The following KRT80 variants were observed in gnomAD, a reference collection of about 807,000 sequenced individuals.
KRT80 encodes keratin, type II cytoskeletal 80.
In KRT80, 36 loss-of-function variants were observed where a neutral mutation model predicts 51.5. The observed-to-expected ratio is 0.70, with a 90% confidence interval of 0.54 to 0.92. KRT80 has a LOEUF of 0.92. KRT80 is among the 40% of genes least tolerant of loss of function. The pLI, the probability that KRT80 is intolerant of heterozygous loss-of-function variation, is 0.00. For missense variants in KRT80, 566 were observed against 591.7 expected (o/e 0.96, Z 0.45); for synonymous variants, 235 against 248.3 (o/e 0.95, Z 0.50).
At chr12:52,179,090 G>A (rs1331056073) in intron 4 of KRT80, among the ~76,000 whole-genome samples, 1 of 152,240 alleles carries the variant, frequency 6.6e-6, no homozygotes, top group Non-Finnish European at 1.5e-5. Context: ...TGAGACATCA[G>A]TGAGCAGGTA....
At position 52,185,540 on chromosome 12, in the gene KRT80, G is replaced by GCTCCAGCGTGT; in HGVS notation, c.337_347dup (p.Ser116ArgfsTer35). On this transcript the variant is annotated frameshift_variant, in exon 2 of 9. Coordinates refer to ENST00000394815, the MANE Select transcript of KRT80 (RefSeq NM_182507.3). LOFTEE classifies it high-confidence loss of function. ...TGGCTGAGTCCTGGCCCTGCAGGAA[G>GCTCCAGCGTGT]CTCCAGCGTGTCTCCAGCAGCTGGT... is the stretch of plus-strand genomic sequence containing the variant. The GCTCCAGCGTGT allele has an allele frequency of 6.2e-7, 1 of 1,612,662 alleles. No homozygotes were observed. The highest frequency in any genetic ancestry group is 8.5e-7 in the Non-Finnish European group (1 of 1,180,020).
chr12:52,189,877 C>A (rs564630023), intron 1 of KRT80, among the ~76,000 whole-genome samples: 1 of 152,254 alleles, frequency 6.6e-6, no homozygotes, highest in South Asian at 2.1e-4. Context: ...GTGCTTATAT[C>A]CTCCCATCCC....
intron 1 of KRT80, among the ~76,000 whole-genome samples, chr12:52,190,993 G>T (rs10747627): frequency 4.6e-5 from 7 of 151,946 alleles, no homozygotes; most frequent in Non-Finnish European, 1.0e-4. Context: ...GTGCAGGAAG[G>T]CCCAACTGGC....
At chr12:52,181,839 C>T (rs1169804064) in intron 2 of KRT80, among the ~76,000 whole-genome samples, 6 of 152,230 alleles carry the variant, frequency 3.9e-5, no homozygotes, top group African/African-American at 9.6e-5. Context: ...CCAGACTTCT[C>T]GCTGGCCCCA....
In KRT80 at chr12:52,171,728, CGGGGGGGTGGGAGA is replaced by C; in HGVS notation, c.1179-29_1179-16del. On this transcript the variant is annotated splice_polypyrimidine_tract_variant and intron_variant, in intron 7 of 8. Coordinates refer to ENST00000394815, the MANE Select transcript of KRT80 (RefSeq NM_182507.3). ...GCGAGTCCATCCTGGGGGTGGGGGA[CGGGGGGGTGGGAGA>C]GGGATATGATGGGATGCGAAGAGAG... 10 of 109,468 alleles carry C rather than the reference CGGGGGGGTGGGAGA, an allele frequency of 9.1e-5. No homozygotes were observed. The highest frequency in any genetic ancestry group is 1.7e-4 in the Non-Finnish European group (9 of 52,570). 6.8% of individuals were successfully genotyped at this position (109,468 alleles called of 1,614,324 possible). A position where few individuals can be genotyped will look rare whatever the true frequency, so the allele number is the denominator to read the frequency against.
rs974615356 is a variant in KRT80 at position 52,173,149 on chromosome 12, G to A, written c.846C>T (p.Ala282=). The change falls in exon 6 of 9, where the codon GCC becomes GCT. Residue 282 remains alanine, a synonymous_variant. Coordinates refer to ENST00000394815, the MANE Select transcript of KRT80 (RefSeq NM_182507.3). ...AYSRSQLEEQ[A]ARSAEYGSSL... is the part of the protein sequence containing the mutation. ...TGCTCCCATACTCGGCCGAGCGGGC[G>A]GCCTGCTCCTCCAGCTGGAGGTACA... is the stretch of plus-strand genomic sequence containing the variant. The A allele has an allele frequency of 2.2e-5, 35 of 1,609,932 alleles. No homozygotes were observed. Among genetic ancestry groups the A allele is most frequent in the Non-Finnish European group, 2.5e-5 (29 of 1,178,220 alleles).
chr12:52,181,271 G>GCCCCTCACCCTGGCACTTTAT (rs1224414977), intron 2 of KRT80, among the ~76,000 whole-genome samples: 1 of 152,182 alleles, frequency 6.6e-6, no homozygotes, highest in East Asian at 1.9e-4. Flanking sequence ...TGATTGTGCA[G>GCCCCTCACCCTGGCACTTTAT]CCCCTCACCC....
At chr12:52,183,441 C>T (rs1321088353) in intron 2 of KRT80, among the ~76,000 whole-genome samples, 3 of 152,222 alleles carry the variant, frequency 2.0e-5, no homozygotes, top group South Asian at 2.1e-4. Flanking sequence ...CTTGGCCTGG[C>T]GTCTCCTGGC....
At chr12:52,172,501 G>T in intron 6 of KRT80, 83 bp from the exon 7 acceptor site, 3 of 1,255,142 alleles carry the variant, frequency 2.4e-6, no homozygotes, top group Non-Finnish European at 3.3e-6. Flanking sequence ...CTCTGTCCTT[G>T]GTGGGGGTAG....
At chr12:52,182,396 C>G (rs1011662683) in intron 2 of KRT80, among the ~76,000 whole-genome samples, 1 of 152,164 alleles carries the variant, frequency 6.6e-6, no homozygotes, top group Admixed American at 6.5e-5. Context: ...CTGGAGTGTG[C>G]TGATGAAGCA....
intron 1 of KRT80, among the ~76,000 whole-genome samples, chr12:52,190,496 A>ATG: frequency 6.6e-6 from 1 of 152,312 alleles, no homozygotes; most frequent in African/African-American, 2.4e-5. Context: ...GTGAGCTCCC[A>ATG]CCTCATGGGG....
At chr12:52,177,447 G>A (rs989531092) in intron 4 of KRT80, among the ~76,000 whole-genome samples, 34 of 152,078 alleles carry the variant, frequency 2.2e-4, no homozygotes, top group African/African-American at 6.5e-4. Context: ...GTGGCATTCC[G>A]ACTGGATGCA....
Position 52,177,675 on chromosome 12 carries a change from G to GTATT in KRT80, c.666+2837_666+2838insAATA, listed in dbSNP as rs570223297. Among the ~76,000 whole-genome samples the GTATT allele has an allele frequency of 3.2e-4, 48 of 151,844 alleles. No individual in the cohort carries two copies. The East Asian group carries it at 8.4e-3, about 26-fold the overall frequency. On this transcript the variant is annotated intron_variant, in intron 4 of 8. Transcript: ENST00000394815. ...TGTGTGTGTGTGTGTGCATGTGTGT[G>GTATT]TATGTACACACACACATGTTTTGGA...
rs199630617 is a variant in KRT80, at chr12:52,180,883, G to A, written c.570+20C>T. 4 of 1,597,470 alleles carry A rather than the reference G, an allele frequency of 2.5e-6. No homozygotes were observed. In the East Asian group the frequency reaches 6.7e-5, roughly 27 times the overall value. Reference sequence around the variant, plus strand: ...AGGGCCCATGAGGAAGGAGCCCCTGGGGCAGGCTGGGCAGGCTACCTTCTT... The same window carrying A: ...AGGGCCCATGAGGAAGGAGCCCCTGAGGCAGGCTGGGCAGGCTACCTTCTT... On this transcript the variant is annotated intron_variant, in intron 3 of 8. Transcript: ENST00000394815.
intron 1 of KRT80, among the ~76,000 whole-genome samples, chr12:52,190,061 G>T (rs1466062010): frequency 6.6e-6 from 1 of 152,198 alleles, no homozygotes; most frequent in African/African-American, 2.4e-5. Flanking sequence ...GCTCTTAGAG[G>T]GAGAACCAGC....
chr12:52,182,197 G>C (rs1941334486), intron 2 of KRT80, among the ~76,000 whole-genome samples: 1 of 152,186 alleles, frequency 6.6e-6, no homozygotes, highest in Non-Finnish European at 1.5e-5. Context: ...AGAGGAGCAG[G>C]CCGGGGAGAA....
intron 4 of KRT80, 134 bp downstream of exon 4, chr12:52,180,379 T>G: frequency 3.6e-6 from 2 of 549,224 alleles, no homozygotes; most frequent in Non-Finnish European, 6.1e-6. Flanking sequence ...AGGAAATTAT[T>G]ATTCTGGGGC....
chr12:52,173,687 C>T lies in KRT80; in HGVS notation c.744G>A (p.Leu248=). ...CCTTCACCTCCTCCACGATGCCGCT[C>T]AGGTCGATGTGGCAGCGGCTGTCCA... ...VGMDSRCHID[L]SGIVEEVKAQ... Residue 248 remains leucine (L), a synonymous_variant, in exon 5 of 9, where the codon CTG becomes CTA. Transcript: ENST00000394815. 2 of 1,613,040 alleles carry T rather than the reference C, an allele frequency of 1.2e-6. No individual in the cohort carries two copies. Among genetic ancestry groups the T allele is most frequent in the Non-Finnish European group, 8.5e-7 (1 of 1,180,022 alleles).
At chr12:52,174,672 T>G (rs1288346508) in intron 4 of KRT80, among the ~76,000 whole-genome samples, 1 of 152,222 alleles carries the variant, frequency 6.6e-6, no homozygotes, top group Non-Finnish European at 1.5e-5. Context: ...GAGACAGCGG[T>G]GAGTGGCAGG....
Sources: gnomAD v4.1 joint callset for allele counts (sites outside exome capture counted in the v4.1 genomes callset) on GRCh38, gnomAD v4.1.1 for gene constraint, MANE v1.5 for transcripts, NCBI Gene and HGNC (gene_info 2026-07-23, HGNC 2026-07-21) for gene names.